The following TRAPPC10 variants were observed in gnomAD, a reference collection of about 807,000 sequenced individuals.
The protein encoded by TRAPPC10 is TRAPP 130 kDa subunit.
In TRAPPC10, 23 loss-of-function variants were observed where a neutral mutation model predicts 125.5. That is an observed-to-expected ratio of 0.18 (90% confidence interval 0.13 to 0.26). The LOEUF is 0.26. Among genes scored for constraint, TRAPPC10 ranks in the 10% least tolerant of loss-of-function variants. The pLI is 1.00. For synonymous variants in TRAPPC10, 509 were observed against 518.0 expected, an observed-to-expected ratio of 0.98 and a Z score of 0.24; for missense variants, 1,123 against 1,308.4, an observed-to-expected ratio of 0.86 and a Z score of 2.19.
chr21:44,019,595 A>G (rs1236835706), intron 1 of TRAPPC10, among the ~76,000 whole-genome samples: 1 of 152,182 alleles, frequency 6.6e-6, no homozygotes, highest in Non-Finnish European at 1.5e-5. Context: ...CACAACTGAC[A>G]TTATCTTTGA....
chr21:44,060,238 A>C (rs1260215136), intron 6 of TRAPPC10: 1 of 152,164 alleles, frequency 6.6e-6, no homozygotes, highest in East Asian at 1.9e-4. Context: ...AAAAAAATAA[A>C]ATAAAAAAAC....
chr21:44,075,560 A>G (rs966983543), intron 9 of TRAPPC10, among the ~76,000 whole-genome samples: 3 of 151,630 alleles, frequency 2.0e-5, no homozygotes, highest in African/African-American at 7.3e-5. Context: ...ATCTTGGCTC[A>G]CTGCAGCCTC....
At chr21:44,076,985 T>C (rs2037332591) in intron 10 of TRAPPC10, among the ~76,000 whole-genome samples, 1 of 152,214 alleles carries the variant, frequency 6.6e-6, no homozygotes, top group African/African-American at 2.4e-5. Context: ...AAGACTTAAA[T>C]TAGCAAAACT....
chr21:44,063,409 G>A lies in TRAPPC10; in HGVS notation c.791-129G>A, dbSNP rs780213936. 1 of 1,362,304 alleles carries A rather than the reference G, an allele frequency of 7.3e-7. No individual in the cohort carries two copies. The highest frequency in any genetic ancestry group is 1.0e-6 in the Non-Finnish European group (1 of 995,806). The allele number at this position is 1,362,304 out of a possible 1,614,324, so 84.4% of individuals were successfully genotyped here. Reference sequence around the variant, plus strand: ...CCGAATGCATCACTAGACCACAGGGGGTGGGCCAGTGTTCATAGAAAAACT... The same window carrying A: ...CCGAATGCATCACTAGACCACAGGGAGTGGGCCAGTGTTCATAGAAAAACT... On this transcript the variant is annotated intron_variant, in intron 6 of 22. Coordinates refer to ENST00000291574, the MANE Select transcript of TRAPPC10 (RefSeq NM_003274.5). The surrounding 1 kb of genome is among the most constrained non-coding windows in gnomAD (Gnocchi z 4.4).
Position 44,082,911 on chromosome 21 carries a change from T to C in TRAPPC10, c.1847T>C (p.Met616Thr). The change falls in exon 14 of 23, where the codon ATG (methionine) becomes ACG (threonine). Residue 616 changes from methionine (M) to threonine (T), a missense_variant. Around this residue, in one of 4 missense-constraint regions of TRAPPC10, gnomAD observed 840 missense variants for 902.0 expected, o/e 0.93. Coordinates refer to ENST00000291574, the MANE Select transcript of TRAPPC10 (RefSeq NM_003274.5). The surrounding 1 kb of genome is among the most constrained non-coding windows in gnomAD (Gnocchi z 4.4). ...LCVEITMYSQ[M>T]PVPVHVEQIV... Reference sequence around the variant, plus strand: ...GTTGAGATAACCATGTACAGCCAGATGCCTGTGCCTGTTCACGTGGAGCAG... The same window carrying C: ...GTTGAGATAACCATGTACAGCCAGACGCCTGTGCCTGTTCACGTGGAGCAG... 1 of 1,614,182 alleles carries C rather than the reference T, an allele frequency of 6.2e-7. No homozygotes were observed.
intron 1 of TRAPPC10, among the ~76,000 whole-genome samples, chr21:44,015,487 A>C (rs527348582): frequency 6.6e-6 from 1 of 152,210 alleles, no homozygotes; most frequent in East Asian, 1.9e-4. Flanking sequence ...GCATGGTCAT[A>C]GCCGACTGCA....
chr21:44,033,117 G>A (rs2033720099), intron 2 of TRAPPC10, among the ~76,000 whole-genome samples: 1 of 152,208 alleles, frequency 6.6e-6, no homozygotes, highest in African/African-American at 2.4e-5. Flanking sequence ...ATATAAAGTT[G>A]TGTATATGTA....
At chr21:44,046,047 A>G (rs2034782003) in intron 3 of TRAPPC10, among the ~76,000 whole-genome samples, 2 of 151,934 alleles carry the variant, frequency 1.3e-5, no homozygotes, top group Non-Finnish European at 2.9e-5. Flanking sequence ...GATGTTTGTT[A>G]CTATACCTTC....
intron 7 of TRAPPC10, among the ~76,000 whole-genome samples, chr21:44,064,458 G>A (rs1343530266): frequency 2.0e-5 from 3 of 152,242 alleles, no homozygotes; most frequent in East Asian, 3.9e-4. Flanking sequence ...TGTAGAGACC[G>A]TATCTAGTCT....
chr21:44,052,161 G>A (rs538657241), intron 3 of TRAPPC10, 119 bp from the exon 4 acceptor site: 15 of 874,220 alleles, frequency 1.7e-5, no homozygotes, highest in Admixed American at 8.7e-5. Flanking sequence ...TTTAAGTCCC[G>A]AGCCTGTCCT....
chr21:44,018,990 C>T (rs2032192748), intron 1 of TRAPPC10, among the ~76,000 whole-genome samples: 1 of 152,170 alleles, frequency 6.6e-6, no homozygotes, highest in African/African-American at 2.4e-5. Flanking sequence ...ACCCTCCCAC[C>T]CCCGTGCTCC....
rs1182243859 is a variant in TRAPPC10, at chr21:44,087,435, T to TACACAGGACTTGGGTGGGCCCC, written c.2540-263_2540-242dup. 5.3e-5 allele frequency among the ~76,000 whole-genome samples: 8 copies of TACACAGGACTTGGGTGGGCCCC among 152,244 alleles called. No homozygotes were observed. ...AACGGGAGAAAGTCATGCAGGGACC[T>TACACAGGACTTGGGTGGGCCCC]ACACAGGACTTGGGTGGGCCCCGTG... is the stretch of plus-strand genomic sequence containing the variant. On this transcript the variant is annotated intron_variant, in intron 16 of 22. Coordinates refer to ENST00000291574, the MANE Select transcript of TRAPPC10 (RefSeq NM_003274.5). The surrounding 1 kb of genome is among the most constrained non-coding windows in gnomAD (Gnocchi z 4.6).
intron 5 of TRAPPC10, among the ~76,000 whole-genome samples, chr21:44,056,514 G>T (rs920952153): frequency 2.6e-5 from 4 of 152,194 alleles, no homozygotes; most frequent in African/African-American, 9.7e-5. Flanking sequence ...TGATAAGGCC[G>T]CTTCTGCCCA....
At position 44,045,199 on chromosome 21, in the gene TRAPPC10, C is replaced by T. The variant is rs567820713; in HGVS notation, c.286-7081C>T. The stretch of plus-strand genomic sequence containing the variant: ...CCGCCCGCCTCTGCCTCCCAAAGTG[C>T]TTGGATTACAGGCGTGAGCCACCGT... On this transcript the variant is annotated intron_variant, in intron 3 of 22. Transcript: ENST00000291574. 4.8e-4 allele frequency among the ~76,000 whole-genome samples: 73 copies of T among 152,292 alleles called. 1 individual carries two copies. In the Middle Eastern group the frequency reaches 0.02, roughly 43 times the overall value.
chr21:44,086,690 G>A (rs1425529023), intron 15 of TRAPPC10, 112 bp from the exon 16 acceptor site: 3 of 1,200,030 alleles, frequency 2.5e-6, no homozygotes, highest in Non-Finnish European at 2.4e-6. Flanking sequence ...AGATCCCAAA[G>A]GAGCAAATCT....
At position 44,061,246 on chromosome 21, in the gene TRAPPC10, C is replaced by T. The variant is rs1296928141; in HGVS notation, c.790+2032C>T. On this transcript the variant is annotated intron_variant, in intron 6 of 22. Coordinates refer to ENST00000291574, the MANE Select transcript of TRAPPC10 (RefSeq NM_003274.5). ...CCGCCTCCCGGGTTCACGCCATTCT[C>T]CTGCCTCAGCCTCCTGAGTAGCTGC... 7.9e-5 allele frequency among the ~76,000 whole-genome samples: 12 copies of T among 152,364 alleles called. No individual in the cohort carries two copies. The East Asian group carries it at 2.3e-3, about 29-fold the overall frequency.
In TRAPPC10 at chr21:44,084,048, G is replaced by A. The variant is rs1306147151; in HGVS notation, c.2239-74G>A. 28 of 1,575,168 alleles carry A rather than the reference G, an allele frequency of 1.8e-5. No individual in the cohort carries two copies. The Middle Eastern group carries it at 8.4e-4, about 47-fold the overall frequency. ...CTTTCTGGAGTTCAGAGAGACCGCT[G>A]CACCGCGCTACCGCAGGAAGCTAAC... On this transcript the variant is annotated intron_variant, in intron 14 of 22. Coordinates refer to ENST00000291574, the MANE Select transcript of TRAPPC10 (RefSeq NM_003274.5).
Position 44,080,676 on chromosome 21 carries a change from T to TA in TRAPPC10, c.1723+550dup, listed in dbSNP as rs2037636735. Among the ~76,000 whole-genome samples, 5 of 152,178 alleles carry TA rather than the reference T, an allele frequency of 3.3e-5. No individual in the cohort carries two copies. In the South Asian group the frequency reaches 1.0e-3, roughly 32 times the overall value. ...CCTCAGCCTCCCAAGTAGCTGGGGTTACGTGCGCCCGCCACCATGCCCTGC... is the reference window on the plus strand; with the variant it reads ...CCTCAGCCTCCCAAGTAGCTGGGGTTAACGTGCGCCCGCCACCATGCCCTGC... On this transcript the variant is annotated intron_variant, in intron 13 of 22. Coordinates refer to ENST00000291574, the MANE Select transcript of TRAPPC10 (RefSeq NM_003274.5).
intron 1 of TRAPPC10, among the ~76,000 whole-genome samples, chr21:44,015,668 G>A (rs1236248839): frequency 1.3e-5 from 2 of 150,876 alleles, no homozygotes; most frequent in African/African-American, 2.4e-5. Flanking sequence ...AGGCTGGAGT[G>A]CAGTGGCGCG....
Sources: gnomAD v4.1 joint callset for allele counts (sites outside exome capture counted in the v4.1 genomes callset) on GRCh38, gnomAD v4.1.1 for gene constraint, gnomAD v4.1.1 regional missense constraint, Gnocchi (gnomAD v3.1) non-coding constraint, MANE v1.5 for transcripts, NCBI Gene and HGNC (gene_info 2026-07-23, HGNC 2026-07-21) for gene names.